The following CCDC15 variants were observed in gnomAD, a reference collection of about 807,000 sequenced individuals.
CCDC15 encodes coiled-coil domain containing 15.
CCDC15 carries 105 observed loss-of-function variants against 114.5 expected under a neutral mutation model. That is an observed-to-expected ratio of 0.92 (90% CI 0.78 to 1.08). The LOEUF (loss-of-function observed/expected upper bound fraction) is 1.08, where lower values mean the gene tolerates loss of function less well. Ranked by LOEUF, CCDC15 falls within the 50% of genes least tolerant of loss-of-function variation. CCDC15 has a pLI of 0.00. For missense variants in CCDC15, 1,105 were observed against 1,093.6 expected (o/e 1.01, Z -0.15); for synonymous variants, 334 against 377.8 (o/e 0.88, Z 1.34).
chr11:125,039,065 C>G lies in CCDC15; in HGVS notation c.2730C>G (p.His910Gln). Residue 910 changes from histidine (H) to glutamine (Q), a missense_variant, in exon 15 of 16, where the codon CAC (histidine) becomes CAG (glutamine). His to Gln is a conservative substitution (Grantham distance 24). Coordinates refer to ENST00000344762, the MANE Select transcript of CCDC15 (RefSeq NM_025004.3). ...ACAACTGTATTTTCTATAAAAACCA[C>G]AGAGGTAAGTTTCTTGAAGGAATAG... ...CANNCIFYKN[H>Q]RAYTRALHSF... 1.3e-6 allele frequency: 2 copies of G among 1,589,348 alleles called. No individual in the cohort carries two copies. Among genetic ancestry groups the G allele is most frequent in the Non-Finnish European group, 1.7e-6 (2 of 1,164,352 alleles).
chr11:125,030,347 G>C (rs1417647564), intron 13 of CCDC15, among the ~76,000 whole-genome samples: 1 of 152,186 alleles, frequency 6.6e-6, no homozygotes, highest in African/African-American at 2.4e-5. Context: ...TATCAATCCA[G>C]CTGCTTCAGG....
intron 13 of CCDC15, among the ~76,000 whole-genome samples, chr11:125,033,751 C>G (rs919111762): frequency 1.3e-5 from 2 of 152,112 alleles, no homozygotes; most frequent in Non-Finnish European, 2.9e-5. Context: ...AGCAGACAAA[C>G]TATTAGAATC....
At chr11:125,022,278 C>T (rs1464869490) in intron 13 of CCDC15, among the ~76,000 whole-genome samples, 1 of 151,810 alleles carries the variant, frequency 6.6e-6, no homozygotes, top group African/African-American at 2.4e-5. Context: ...AAATCTTTAT[C>T]TTCACTAGTA....
In CCDC15 at chr11:124,988,124, C is replaced by T; in HGVS notation, c.1898C>T (p.Pro633Leu). The T allele has an allele frequency of 6.2e-7, 1 of 1,610,306 alleles. No homozygotes were observed. Among genetic ancestry groups the T allele is most frequent in the Non-Finnish European group, 8.5e-7 (1 of 1,178,554 alleles). Reference sequence around the variant, plus strand: ...AAATGTCAGGACCAAGATTTTCTACCAAAATATCAGGTAAAATAGAGCAGA... The same window carrying T: ...AAATGTCAGGACCAAGATTTTCTACTAAAATATCAGGTAAAATAGAGCAGA... The part of the protein sequence containing the change: ...LPKCQDQDFL[P>L]KYQKVHFKEP... Residue 633 changes from proline (P) to leucine (L), a missense_variant, in exon 8 of 16, where the codon CCA (proline) becomes CTA (leucine). Coordinates refer to ENST00000344762, the MANE Select transcript of CCDC15 (RefSeq NM_025004.3).
At chr11:125,039,172 CA>C (rs1209266338) in intron 15 of CCDC15, 103 bp downstream of exon 15, 1 of 1,096,932 alleles carries the variant, frequency 9.1e-7, no homozygotes, top group Non-Finnish European at 1.3e-6. Context: ...TACTATGTAT[CA>C]GAGACTGTTA....
rs1948816527 is a variant in CCDC15 at position 125,041,431 on chromosome 11, C to T, written c.*720C>T. ...TCCTTATTTCCCTATTTTTTAAAAA[C>T]CTGGTATATGACATGGCTACAGGGC... On this transcript the variant is annotated 3_prime_UTR_variant, in exon 16 of 16. Coordinates refer to ENST00000344762, the MANE Select transcript of CCDC15 (RefSeq NM_025004.3). The T allele has an allele frequency of 6.6e-6, 1 of 151,854 alleles. No individual in the cohort carries two copies. Among genetic ancestry groups the T allele is most frequent in the African/African-American group, 2.4e-5 (1 of 41,338 alleles). 9.4% of individuals were successfully genotyped at this position (151,854 alleles called of 1,614,324 possible).
chr11:125,020,234 C>G (rs1056004473), intron 13 of CCDC15, among the ~76,000 whole-genome samples: 3 of 151,916 alleles, frequency 2.0e-5, no homozygotes, highest in Non-Finnish European at 2.9e-5. Context: ...CAGGGCACCT[C>G]TTTCACTCCT....
chr11:124,956,943 G>T (rs1947562959), intron 2 of CCDC15, among the ~76,000 whole-genome samples: 1 of 152,096 alleles, frequency 6.6e-6, no homozygotes, highest in Non-Finnish European at 1.5e-5. Context: ...ATTTCAGGGG[G>T]CCATCAGGAT....
chr11:124,971,677 A>G (rs541348479), intron 4 of CCDC15, among the ~76,000 whole-genome samples: 2 of 152,264 alleles, frequency 1.3e-5, no homozygotes, highest in East Asian at 1.9e-4. Context: ...GAAAGTATAT[A>G]TGTACATAGT....
chr11:125,034,915 A>G (rs911224004), intron 13 of CCDC15, among the ~76,000 whole-genome samples: 1 of 152,098 alleles, frequency 6.6e-6, no homozygotes, highest in African/African-American at 2.4e-5. Context: ...GCATAGTTAT[A>G]TATATATAAA....
chr11:124,995,977 G>C (rs1442405213), intron 11 of CCDC15, among the ~76,000 whole-genome samples: 1 of 151,856 alleles, frequency 6.6e-6, no homozygotes, highest in African/African-American at 2.4e-5. Flanking sequence ...CTACAGGCAT[G>C]TGCTACCAAG....
rs992432926 is a variant in CCDC15, at chr11:124,971,920, C to T, written c.517-3176C>T. 3.9e-5 allele frequency among the ~76,000 whole-genome samples: 6 copies of T among 151,928 alleles called. No individual in the cohort carries two copies. In the East Asian group the frequency reaches 7.7e-4, roughly 20 times the overall value. On this transcript the variant is annotated intron_variant, in intron 4 of 15. Transcript: ENST00000344762. ...AGGATGAGGATTTATTCCTCTTTCTCTCCCCTGCCACCACTACACATGCAC... is the reference window on the plus strand; with the variant it reads ...AGGATGAGGATTTATTCCTCTTTCTTTCCCCTGCCACCACTACACATGCAC...
intron 13 of CCDC15, among the ~76,000 whole-genome samples, chr11:125,033,419 C>G (rs2135542673): frequency 6.6e-6 from 1 of 152,280 alleles, no homozygotes; most frequent in Admixed American, 6.5e-5. Context: ...CAATTATTTC[C>G]ATTGCATTTA....
In CCDC15 at chr11:125,026,540, C is replaced by T. The variant is rs141117683; in HGVS notation, c.2412-11891C>T. Among the ~76,000 whole-genome samples, 580 of 152,132 alleles carry T rather than the reference C, an allele frequency of 3.8e-3. 4 individuals carry two copies. Among genetic ancestry groups the T allele is most frequent in the African/African-American group, 0.013 (554 of 41,498 alleles). On this transcript the variant is annotated intron_variant, in intron 13 of 15. Coordinates refer to ENST00000344762, the MANE Select transcript of CCDC15 (RefSeq NM_025004.3). Reference sequence around the variant, plus strand: ...TGTGATTGCTCACCTGATTTTTGGTCCTTTTGAAGGTGCTTTTTGTAGATA... The same window carrying T: ...TGTGATTGCTCACCTGATTTTTGGTTCTTTTGAAGGTGCTTTTTGTAGATA...
At position 125,013,175 on chromosome 11, in the gene CCDC15, G is replaced by A. The variant is rs531458684; in HGVS notation, c.2411+7963G>A. Among the ~76,000 whole-genome samples the A allele has an allele frequency of 2.0e-5, 3 of 152,262 alleles. No homozygotes were observed. The East Asian group carries it at 5.8e-4, about 29-fold the overall frequency. On this transcript the variant is annotated intron_variant, in intron 13 of 15. Transcript: ENST00000344762. Reference sequence around the variant, plus strand: ...TAATTATAATGCTTAAAGTGAGGCAGGGATAGTCTAGGGAGGTCAAGAAAT... The same window carrying A: ...TAATTATAATGCTTAAAGTGAGGCAAGGATAGTCTAGGGAGGTCAAGAAAT...
chr11:125,006,165 A>G (rs186740040), intron 13 of CCDC15, among the ~76,000 whole-genome samples: 1 of 152,116 alleles, frequency 6.6e-6, no homozygotes, highest in Non-Finnish European at 1.5e-5. Flanking sequence ...TGGCTATACC[A>G]TTTTGCATTC....
chr11:124,977,237 G>A (rs1007328005), intron 5 of CCDC15, among the ~76,000 whole-genome samples: 1 of 152,172 alleles, frequency 6.6e-6, no homozygotes, highest in Non-Finnish European at 1.5e-5. Context: ...TTACTGGCTA[G>A]AATAGGTGCA....
chr11:125,034,115 C>G (rs901170613), intron 13 of CCDC15, among the ~76,000 whole-genome samples: 6 of 152,160 alleles, frequency 3.9e-5, no homozygotes, highest in African/African-American at 1.4e-4. Flanking sequence ...TCACTGTTGC[C>G]TCAGGCAGCA....
At chr11:124,986,685 G>A in intron 6 of CCDC15, 57 bp from the exon 7 acceptor site, 1 of 1,398,670 alleles carries the variant, frequency 7.1e-7, no homozygotes, top group Non-Finnish European at 9.5e-7. Context: ...GTGTGTGTGT[G>A]TGTGTTTGTG....
Sources: gnomAD v4.1 joint callset for allele counts (sites outside exome capture counted in the v4.1 genomes callset) on GRCh38, gnomAD v4.1.1 for gene constraint, MANE v1.5 for transcripts, NCBI Gene and HGNC (gene_info 2026-07-23, HGNC 2026-07-21) for gene names.